AUTS2: variants seen among roughly 807,000 people sequenced by gnomAD.
AUTS2 encodes autism susceptibility gene 2 protein.
A neutral mutation model predicts 112.4 loss-of-function variants in AUTS2; 17 were observed. The observed-to-expected ratio is 0.15, with a 90% confidence interval of 0.10 to 0.23. The LOEUF (loss-of-function observed/expected upper bound fraction) is 0.23, where lower values mean the gene tolerates loss of function less well. Ranked by LOEUF, AUTS2 falls within the 10% of genes least tolerant of loss-of-function variation. The pLI, the probability that AUTS2 is intolerant of heterozygous loss-of-function variation, is 1.00. For missense variants in AUTS2, 1,510 were observed against 1,701.6 expected, an observed-to-expected ratio of 0.89 and a Z score of 1.98; for synonymous variants, 751 against 702.7, an observed-to-expected ratio of 1.07 and a Z score of -1.09.
At chr7:69,791,985 G>T (rs1789623200) in intron 1 of AUTS2, among the ~76,000 whole-genome samples, 1 of 152,136 alleles carries the variant, frequency 6.6e-6, no homozygotes, top group Admixed American at 6.5e-5. Context: ...GGCTGGGGAA[G>T]GTGTTGGTGG....
chr7:70,518,287 A>T (rs1799498744), intron 5 of AUTS2, among the ~76,000 whole-genome samples: 1 of 152,192 alleles, frequency 6.6e-6, no homozygotes, highest in Admixed American at 6.5e-5. Flanking sequence ...GAGAAGTTAT[A>T]TGAAAGTTGG....
intron 5 of AUTS2, among the ~76,000 whole-genome samples, chr7:70,647,907 T>C (rs1806261025): frequency 6.6e-6 from 1 of 152,136 alleles, no homozygotes; most frequent in East Asian, 1.9e-4. Flanking sequence ...ATTGTACTGA[T>C]TAGTTTCATC....
chr7:70,122,813 G>A (rs1196227894), intron 3 of AUTS2, among the ~76,000 whole-genome samples: 2 of 150,158 alleles, frequency 1.3e-5, no homozygotes, highest in Non-Finnish European at 3.0e-5. Flanking sequence ...GTCTGAGGTT[G>A]CAGAGTCCTG....
At chr7:70,674,569 C>T (rs1236110476) in intron 5 of AUTS2, among the ~76,000 whole-genome samples, 2 of 152,212 alleles carry the variant, frequency 1.3e-5, no homozygotes, top group African/African-American at 4.8e-5. Context: ...TCACCTAACG[C>T]GATCCCGCGG....
chr7:70,467,974 A>G (rs562807657), intron 5 of AUTS2, among the ~76,000 whole-genome samples: 80 of 152,296 alleles, frequency 5.3e-4, no homozygotes, highest in African/African-American at 1.9e-3. Context: ...TCAGATACAG[A>G]GTTGAGGACT....
rs540781494 is a variant in AUTS2 at position 70,683,968 on chromosome 7, A to G, written c.691-14601A>G. Among the ~76,000 whole-genome samples, 24 of 152,348 alleles carry G rather than the reference A, an allele frequency of 1.6e-4. No homozygotes were observed. In the South Asian group the frequency reaches 4.8e-3, roughly 30 times the overall value. On this transcript the variant is annotated intron_variant, in intron 5 of 18. Coordinates refer to ENST00000342771, the MANE Select transcript of AUTS2 (RefSeq NM_015570.4). Reference sequence around the variant, plus strand: ...AACCTTGCTCAATAAGAATGCTTTCAGGAAATCGAAACTAAGGGAATTCTA... The same window carrying G: ...AACCTTGCTCAATAAGAATGCTTTCGGGAAATCGAAACTAAGGGAATTCTA...
intron 1 of AUTS2, chr7:69,825,915 T>C (rs1345988586): frequency 1.3e-5 from 2 of 152,240 alleles, no homozygotes; most frequent in Non-Finnish European, 2.9e-5. Flanking sequence ...ATTTCCTCTT[T>C]AAGCATCTAG....
chr7:69,867,469 T>A (rs1451884289), intron 1 of AUTS2, among the ~76,000 whole-genome samples: 3 of 152,222 alleles, frequency 2.0e-5, no homozygotes, highest in African/African-American at 4.8e-5. Context: ...GTTCCTGAAC[T>A]GCAGAAGCAC....
chr7:70,769,064 A>G lies in AUTS2; in HGVS notation c.1734+996A>G, dbSNP rs189770305. Among the ~76,000 whole-genome samples the G allele has an allele frequency of 1.2e-4, 18 of 152,268 alleles. No homozygotes were observed. In the East Asian group the frequency reaches 2.7e-3, roughly 23 times the overall value. ...ATTCTGAACCAGATAATTAGATACC[A>G]TGTTAGTCAAGAGGTTAGCTGAGAA... On this transcript the variant is annotated intron_variant, in intron 10 of 18. Coordinates refer to ENST00000342771, the MANE Select transcript of AUTS2 (RefSeq NM_015570.4).
At position 70,710,828 on chromosome 7, in the gene AUTS2, G is replaced by T. The variant is rs148676439; in HGVS notation, c.742+12208G>T. On this transcript the variant is annotated intron_variant, in intron 6 of 18. Coordinates refer to ENST00000342771, the MANE Select transcript of AUTS2 (RefSeq NM_015570.4). ...CTTAAAAAACAAATTCCTGGATTTGGAGCAGTGTGCTCTGGTGGAATATTA... is the reference window on the plus strand; with the variant it reads ...CTTAAAAAACAAATTCCTGGATTTGTAGCAGTGTGCTCTGGTGGAATATTA... Among the ~76,000 whole-genome samples the T allele has an allele frequency of 4.9e-3, 754 of 152,344 alleles. 3 individuals carry two copies. Among genetic ancestry groups the T allele is most frequent in the Middle Eastern group, 0.01 (3 of 294 alleles).
intron 5 of AUTS2, among the ~76,000 whole-genome samples, chr7:70,450,294 G>A (rs907471085): frequency 3.3e-5 from 5 of 152,180 alleles, no homozygotes; most frequent in African/African-American, 7.2e-5. Flanking sequence ...ACAAGACCCC[G>A]TAGCGTATGC....
intron 2 of AUTS2, among the ~76,000 whole-genome samples, chr7:70,096,982 C>G (rs1191273127): frequency 6.6e-6 from 1 of 152,166 alleles, no homozygotes; most frequent in Non-Finnish European, 1.5e-5. Context: ...TTTGCTTCTT[C>G]TACCTGGTGT....
chr7:70,630,662 CA>C (rs1805210920), intron 5 of AUTS2, among the ~76,000 whole-genome samples: 1 of 152,142 alleles, frequency 6.6e-6, no homozygotes, highest in South Asian at 2.1e-4. Flanking sequence ...AGAATATATC[CA>C]AGGGTGGGGA....
Position 70,735,428 on chromosome 7 carries a change from G to A in AUTS2, c.743-27442G>A, listed in dbSNP as rs574570001. The stretch of plus-strand genomic sequence containing the variant: ...GAGGAGAAGAGCTGGGAGGGAGGAC[G>A]GGTGGCTTCTAGAGTCAAGGCTGGG... On this transcript the variant is annotated intron_variant, in intron 6 of 18. Transcript: ENST00000342771. Among the ~76,000 whole-genome samples, 9 of 152,290 alleles carry A rather than the reference G, an allele frequency of 5.9e-5. No homozygotes were observed. In the South Asian group the frequency reaches 1.2e-3, roughly 21 times the overall value.
chr7:70,106,599 A>T (rs1804780434), intron 2 of AUTS2, among the ~76,000 whole-genome samples: 1 of 152,170 alleles, frequency 6.6e-6, no homozygotes, highest in Non-Finnish European at 1.5e-5. Flanking sequence ...ATACACTTGT[A>T]GTCCCAGCTA....
rs535962051 is a variant in AUTS2 at position 69,962,783 on chromosome 7, G to A, written c.522+63285G>A. 3.9e-5 allele frequency among the ~76,000 whole-genome samples: 6 copies of A among 151,966 alleles called. 1 individual carries two copies. In the South Asian group the frequency reaches 1.2e-3, roughly 32 times the overall value. The stretch of plus-strand genomic sequence containing the variant: ...TGCTTGCTTGGGTAGGGACTAGGAG[G>A]GCTGAAAAAGAGAGAGAAAGTCATT... On this transcript the variant is annotated intron_variant, in intron 2 of 18. Coordinates refer to ENST00000342771, the MANE Select transcript of AUTS2 (RefSeq NM_015570.4).
At chr7:69,967,143 CT>C (rs1284585832) in intron 2 of AUTS2, among the ~76,000 whole-genome samples, 2 of 152,106 alleles carry the variant, frequency 1.3e-5, no homozygotes, top group Non-Finnish European at 2.9e-5. Flanking sequence ...ACCTCCTGAT[CT>C]TGTTTTGGAG....
chr7:69,844,160 G>A (rs1281648567), intron 1 of AUTS2, among the ~76,000 whole-genome samples: 1 of 152,066 alleles, frequency 6.6e-6, no homozygotes, highest in Non-Finnish European at 1.5e-5. Flanking sequence ...TCCACTTAAT[G>A]GGCTACAGTT....
chr7:70,310,621 A>T (rs1465521331), intron 4 of AUTS2, among the ~76,000 whole-genome samples: 1 of 151,774 alleles, frequency 6.6e-6, no homozygotes, highest in Non-Finnish European at 1.5e-5. Flanking sequence ...TTAAAAAAAA[A>T]AAAAAGAAAG....
Sources: allele counts gnomAD v4.1 joint callset (sites outside exome capture counted in the v4.1 genomes callset), GRCh38; gene constraint gnomAD v4.1.1; transcripts MANE v1.5; gene names NCBI Gene and HGNC (gene_info 2026-07-23, HGNC 2026-07-21).